Variants in FOXC1 observed in about 807,000 individuals in gnomAD.
The protein encoded by FOXC1 is forkhead box protein C1.
FOXC1 carries 5 observed loss-of-function variants against 8.1 expected under a neutral mutation model. That is an observed-to-expected ratio of 0.62 (90% confidence interval 0.32 to 1.30). FOXC1 has a LOEUF of 1.30. Among genes scored for constraint, FOXC1 ranks in the 50% most tolerant of loss-of-function variants. The pLI, the probability that FOXC1 is intolerant of heterozygous loss-of-function variation, is 0.05. For synonymous variants in FOXC1, 552 were observed against 417.2 expected, an observed-to-expected ratio of 1.32 and a Z score of -3.94; for missense variants, 942 against 858.0, an observed-to-expected ratio of 1.10 and a Z score of -1.22.
In FOXC1 at chr6:1,610,020, C is replaced by G. The variant is rs1019740664; in HGVS notation, c.-426C>G. ...GGGCAGGCGGCCGGCGCGCGGCCCC[C>G]CCCCCCCCCGCCCTGGTTATTTGGC... On this transcript the variant is annotated 5_prime_UTR_variant, in exon 1 of 1. Transcript: ENST00000645831. The G allele has an allele frequency of 2.7e-5, 3 of 109,198 alleles. 1 individual carries two copies. The highest frequency in any genetic ancestry group is 4.1e-5 in the Non-Finnish European group (2 of 48,896). 6.8% of individuals were successfully genotyped at this position (109,198 alleles called of 1,614,324 possible).
rs1256532226 is a variant in FOXC1 at position 1,611,480 on chromosome 6, A to C, written c.1035A>C (p.Ala345=). 7.2e-7 allele frequency: 1 copy of C among 1,379,422 alleles called. No homozygotes were observed. The allele number at this position is 1,379,422 out of a possible 1,614,324, so 85.4% of individuals were successfully genotyped here. A position where few individuals can be genotyped will look rare whatever the true frequency, so the allele number is the denominator to read the frequency against. ...CCGCGTCCTCGCGCGCGGGGATCGC[A>C]CCCCCGCTGGCGCTCGGCGCCTACT... The part of the protein sequence containing the change: ...SAAASSRAGI[A]PPLALGAYSP... Residue 345 remains alanine, a synonymous_variant, in exon 1 of 1, where the codon GCA becomes GCC. Transcript: ENST00000645831. This position sits in a 1 kb window ranked among gnomAD's most constrained non-coding sequence, Gnocchi z 7.1.
In FOXC1 at chr6:1,611,225, C is replaced by G; in HGVS notation, c.780C>G (p.Pro260=). The G allele has an allele frequency of 1.4e-6, 2 of 1,455,432 alleles. No homozygotes were observed. Among genetic ancestry groups the G allele is most frequent in the South Asian group, 1.3e-5 (1 of 78,004 alleles). The allele number at this position is 1,455,432 out of a possible 1,614,324, so 90.2% of individuals were successfully genotyped here. A position where few individuals can be genotyped will look rare whatever the true frequency, so the allele number is the denominator to read the frequency against. The change falls in exon 1 of 1, where the codon CCC becomes CCG. Residue 260 remains proline, a synonymous_variant. Coordinates refer to ENST00000645831, the MANE Select transcript of FOXC1 (RefSeq NM_001453.3). This position sits in a 1 kb window ranked among gnomAD's most constrained non-coding sequence, Gnocchi z 7.1. ...SAAAVPKIES[P]DSSSSSLSSG... is the part of the protein sequence containing the mutation. ...CCGCGGTGCCCAAGATCGAGAGCCC[C>G]GACAGCAGCAGCAGCAGCCTGTCCA...
chr6:1,611,573 C>CGGT lies in FOXC1; in HGVS notation c.1130_1131insTGG (p.Gly380dup), dbSNP rs1251445113. ...CCTCCAGCGCGGGCAGCTCGGGCGG[C>CGGT]GGCGGCGGCGGCGCGGGGGCCGCGG... On this transcript the variant is annotated inframe_insertion, in exon 1 of 1. Transcript: ENST00000645831. The surrounding 1 kb of genome is among the most constrained non-coding windows in gnomAD (Gnocchi z 7.1). The CGGT allele has an allele frequency of 3.5e-6, 4 of 1,143,002 alleles. No individual in the cohort carries two copies. The East Asian group carries it at 2.0e-4, about 56-fold the overall frequency. The allele number at this position is 1,143,002 out of a possible 1,614,324, so 70.8% of individuals were successfully genotyped here.
chr6:1,611,060 G>A lies in FOXC1; in HGVS notation c.615G>A (p.Pro205=), dbSNP rs1028943730. The A allele has an allele frequency of 2.8e-6, 4 of 1,444,368 alleles. No individual in the cohort carries two copies. The highest frequency in any genetic ancestry group is 2.7e-6 in the Non-Finnish European group (3 of 1,099,178). 89.5% of individuals were successfully genotyped at this position (1,444,368 alleles called of 1,614,324 possible). A position where few individuals can be genotyped will look rare whatever the true frequency, so the allele number is the denominator to read the frequency against. ...CCGGCCGCCAGCCCCCGCCCGCGCC[G>A]CCGGAGCAGGCCGACGGCAACGCGC... ...PPPGRQPPPA[P]PEQADGNAPG... is the part of the protein sequence containing the mutation. Residue 205 remains proline (P), a synonymous_variant, in exon 1 of 1, where the codon CCG becomes CCA. Transcript: ENST00000645831. The surrounding 1 kb of genome is among the most constrained non-coding windows in gnomAD (Gnocchi z 7.1).
chr6:1,610,651 C>T lies in FOXC1; in HGVS notation c.206C>T (p.Pro69Leu). 6.2e-7 allele frequency: 1 copy of T among 1,613,166 alleles called. No individual in the cohort carries two copies. The highest frequency in any genetic ancestry group is 8.5e-7 in the Non-Finnish European group (1 of 1,179,948). Residue 69 changes from proline to leucine, a missense_variant, in exon 1 of 1, where the codon CCG (proline) becomes CTG (leucine). Transcript: ENST00000645831. The part of the protein sequence containing the change: ...GMARAYGPYT[P>L]QPQPKDMVKP... ...GCCCGCGCCTACGGGCCCTACACGCCGCAGCCGCAGCCCAAGGACATGGTG... is the reference window on the plus strand; with the variant it reads ...GCCCGCGCCTACGGGCCCTACACGCTGCAGCCGCAGCCCAAGGACATGGTG...
At position 1,612,394 on chromosome 6, in the gene FOXC1, T is replaced by G. The variant is rs943515912; in HGVS notation, c.*287T>G. The G allele has an allele frequency of 3.9e-5, 22 of 562,096 alleles. No individual in the cohort carries two copies. Among genetic ancestry groups the G allele is most frequent in the Non-Finnish European group, 6.8e-5 (21 of 307,494 alleles). The allele number at this position is 562,096 out of a possible 1,614,324, so 34.8% of individuals were successfully genotyped here. A position where few individuals can be genotyped will look rare whatever the true frequency, so the allele number is the denominator to read the frequency against. ...ACAGAGACAGCAAAATCTTGGTTTA[T>G]TAAAGGACAGTGTTACTCCAGATAA... On this transcript the variant is annotated 3_prime_UTR_variant, in exon 1 of 1. Transcript: ENST00000645831.
In FOXC1 at chr6:1,609,981, G is replaced by T. The variant is rs1052508062; in HGVS notation, c.-465G>T. The stretch of plus-strand genomic sequence containing the variant: ...CTGGCGCGCGAGAGACCGAGAAAAG[G>T]TGACGCGGGGCCCGGGCAGGCGGCC... On this transcript the variant is annotated 5_prime_UTR_variant, in exon 1 of 1. Transcript: ENST00000645831. 1.3e-5 allele frequency: 2 copies of T among 151,936 alleles called. No individual in the cohort carries two copies. The highest frequency in any genetic ancestry group is 3.9e-4 in the East Asian group (2 of 5,166). The allele number at this position is 151,936 out of a possible 1,614,324, so 9.4% of individuals were successfully genotyped here.
chr6:1,610,651 C>G lies in FOXC1; in HGVS notation c.206C>G (p.Pro69Arg). ...GCCCGCGCCTACGGGCCCTACACGC[C>G]GCAGCCGCAGCCCAAGGACATGGTG... ...GMARAYGPYT[P>R]QPQPKDMVKP... The change falls in exon 1 of 1, where the codon CCG (proline) becomes CGG (arginine). Residue 69 changes from proline (P) to arginine (R), a missense_variant. By Grantham distance (103) the Pro-to-Arg change is moderately radical. This residue lies in a region of FOXC1 where 190 missense variants were observed against 176.8 expected (regional missense o/e 1.07). Transcript: ENST00000645831. The G allele has an allele frequency of 6.2e-7, 1 of 1,613,166 alleles. No homozygotes were observed. Among genetic ancestry groups the G allele is most frequent in the South Asian group, 1.1e-5 (1 of 91,078 alleles).
At position 1,611,601 on chromosome 6, in the gene FOXC1, G is replaced by T. The variant is rs1762550797; in HGVS notation, c.1156G>T (p.Gly386Cys). The change falls in exon 1 of 1, where the codon GGC becomes TGC. Residue 386 changes from glycine (G) to cysteine (C), a missense_variant. Around this residue, in one of 4 missense-constraint regions of FOXC1, gnomAD observed 726 missense variants for 599.6 expected, o/e 1.21. Coordinates refer to ENST00000645831, the MANE Select transcript of FOXC1 (RefSeq NM_001453.3). This position sits in a 1 kb window ranked among gnomAD's most constrained non-coding sequence, Gnocchi z 7.1. ...CGGCGGCGGCGCGGGGGCCGCGGGG[G>T]GCGCGGGCGGCGCCGGGACCTACCA... Reference protein sequence around the residue: ...GGGGGAGAAGGAGGAGTYHCN... With the variant: ...GGGGGAGAAGCAGGAGTYHCN... The T allele has an allele frequency of 8.5e-7, 1 of 1,179,444 alleles. No individual in the cohort carries two copies. The highest frequency in any genetic ancestry group is 1.0e-6 in the Non-Finnish European group (1 of 958,614). The allele number at this position is 1,179,444 out of a possible 1,614,324, so 73.1% of individuals were successfully genotyped here. A position where few individuals can be genotyped will look rare whatever the true frequency, so the allele number is the denominator to read the frequency against.
rs1192326707 is a variant in FOXC1 at position 1,611,076 on chromosome 6, G to A, written c.631G>A (p.Gly211Ser). ...PPPAPPEQAD[G>S]NAPGPQPPPV... ...GCCCGCGCCGCCGGAGCAGGCCGAC[G>A]GCAACGCGCCCGGTCCGCAGCCGCC... The change falls in exon 1 of 1, where the codon GGC (glycine) becomes AGC (serine). Residue 211 changes from glycine (G) to serine (S), a missense_variant. Physicochemically the swap from Gly to Ser is moderately conservative, Grantham distance 56. Transcript: ENST00000645831. This position sits in a 1 kb window ranked among gnomAD's most constrained non-coding sequence, Gnocchi z 7.1. 7.1e-7 allele frequency: 1 copy of A among 1,413,362 alleles called. No homozygotes were observed. The highest frequency in any genetic ancestry group is 9.2e-7 in the Non-Finnish European group (1 of 1,081,960). The allele number at this position is 1,413,362 out of a possible 1,614,324, so 87.6% of individuals were successfully genotyped here.
In FOXC1 at chr6:1,611,314, C is replaced by T. The variant is rs775681400; in HGVS notation, c.869C>T (p.Ser290Phe). ...CCGCTCAGCCTGGACGGTGCGGATT[C>T]CGCGCCGCCGCCGCCCGCGCCCTCC... ...ARPLSLDGAD[S>F]APPPPAPSAP... is the part of the protein sequence containing the mutation. Residue 290 changes from serine (S) to phenylalanine (F), a missense_variant, in exon 1 of 1, where the codon TCC becomes TTC. Coordinates refer to ENST00000645831, the MANE Select transcript of FOXC1 (RefSeq NM_001453.3). The surrounding 1 kb of genome is among the most constrained non-coding windows in gnomAD (Gnocchi z 7.1). 8.5e-6 allele frequency: 12 copies of T among 1,409,662 alleles called. No individual in the cohort carries two copies. The Admixed American group carries it at 1.6e-4, about 18-fold the overall frequency. 87.3% of individuals were successfully genotyped at this position (1,409,662 alleles called of 1,614,324 possible).
rs867806300 is a variant in FOXC1 at position 1,611,535 on chromosome 6, C to T, written c.1090C>T (p.Pro364Ser). 1.5e-5 allele frequency: 20 copies of T among 1,291,806 alleles called. No homozygotes were observed. In the Middle Eastern group the frequency reaches 1.5e-3, roughly 94 times the overall value. The allele number at this position is 1,291,806 out of a possible 1,614,324, so 80.0% of individuals were successfully genotyped here. ...CGGCCAGAGCTCCCTCTACAGCTCC[C>T]CCTGCAGCCAGACCTCCAGCGCGGG... ...SPGQSSLYSS[P>S]CSQTSSAGSS... The change falls in exon 1 of 1, where the codon CCC (proline) becomes TCC (serine). Residue 364 changes from proline (P) to serine (S), a missense_variant. Coordinates refer to ENST00000645831, the MANE Select transcript of FOXC1 (RefSeq NM_001453.3). This position sits in a 1 kb window ranked among gnomAD's most constrained non-coding sequence, Gnocchi z 7.1.
rs533280855 is a variant in FOXC1 at position 1,612,578 on chromosome 6, C to A, written c.*471C>A. ...TTATGAAAGTCGCTTTCTTTTTATTCATGGACTTGTTTTAAAATGTAAATT... is the reference window on the plus strand; with the variant it reads ...TTATGAAAGTCGCTTTCTTTTTATTAATGGACTTGTTTTAAAATGTAAATT... On this transcript the variant is annotated 3_prime_UTR_variant, in exon 1 of 1. Coordinates refer to ENST00000645831, the MANE Select transcript of FOXC1 (RefSeq NM_001453.3). The A allele has an allele frequency of 1.2e-5, 3 of 247,066 alleles. No homozygotes were observed. Among genetic ancestry groups the A allele is most frequent in the South Asian group, 3.2e-4 (2 of 6,204 alleles). 15.3% of individuals were successfully genotyped at this position (247,066 alleles called of 1,614,324 possible).
At position 1,612,416 on chromosome 6, in the gene FOXC1, A is replaced by ATAACACG. The variant is rs1304110537; in HGVS notation, c.*313_*319dup. ...TTATTAAAGGACAGTGTTACTCCAG[A>ATAACACG]TAACACGTAAGTTTCTTCTTGCTTT... On this transcript the variant is annotated 3_prime_UTR_variant, in exon 1 of 1. Transcript: ENST00000645831. 1 of 503,156 alleles carries ATAACACG rather than the reference A, an allele frequency of 2.0e-6. No homozygotes were observed. Among genetic ancestry groups the ATAACACG allele is most frequent in the Non-Finnish European group, 3.7e-6 (1 of 272,740 alleles). 31.2% of individuals were successfully genotyped at this position (503,156 alleles called of 1,614,324 possible).
At position 1,612,025 on chromosome 6, in the gene FOXC1, G is replaced by A. The variant is rs761231823; in HGVS notation, c.1580G>A (p.Ser527Asn). Reference sequence around the variant, plus strand: ...AACAACTCTCCAGTGAACGGGAATAGTAGCTGTCAAATGGCCTTCCCTTCC... The same window carrying A: ...AACAACTCTCCAGTGAACGGGAATAATAGCTGTCAAATGGCCTTCCCTTCC... The part of the protein sequence containing the change: ...GLNNSPVNGN[S>N]SCQMAFPSSQ... Residue 527 changes from serine to asparagine, a missense_variant, in exon 1 of 1, where the codon AGT becomes AAT. Transcript: ENST00000645831. 2.5e-6 allele frequency: 4 copies of A among 1,613,432 alleles called. No individual in the cohort carries two copies. The highest frequency in any genetic ancestry group is 1.3e-5 in the African/African-American group (1 of 74,928).
In FOXC1 at chr6:1,610,102, G is replaced by A. The variant is rs1356090282; in HGVS notation, c.-344G>A. 3 of 150,504 alleles carry A rather than the reference G, an allele frequency of 2.0e-5. No individual in the cohort carries two copies. The highest frequency in any genetic ancestry group is 4.4e-5 in the Non-Finnish European group (3 of 67,818). 9.3% of individuals were successfully genotyped at this position (150,504 alleles called of 1,614,324 possible). A position where few individuals can be genotyped will look rare whatever the true frequency, so the allele number is the denominator to read the frequency against. On this transcript the variant is annotated 5_prime_UTR_variant, in exon 1 of 1. Coordinates refer to ENST00000645831, the MANE Select transcript of FOXC1 (RefSeq NM_001453.3). ...CTGGAAGGCGCAGGCAGTGTGGCGA[G>A]AAGGGCGCCTGCTTGTTCTTTCTTT...
In FOXC1 at chr6:1,612,682, T is replaced by C. The variant is rs1006985237; in HGVS notation, c.*575T>C. The C allele has an allele frequency of 4.4e-6, 1 of 226,276 alleles. No individual in the cohort carries two copies. Among genetic ancestry groups the C allele is most frequent in the Non-Finnish European group, 9.6e-6 (1 of 104,506 alleles). 14.0% of individuals were successfully genotyped at this position (226,276 alleles called of 1,614,324 possible). On this transcript the variant is annotated 3_prime_UTR_variant, in exon 1 of 1. Transcript: ENST00000645831. ...AGAAAGTGTTCCCAAAACCTGACGTTAAATTGCCTGAAACTTTAAATTGTG... is the reference window on the plus strand; with the variant it reads ...AGAAAGTGTTCCCAAAACCTGACGTCAAATTGCCTGAAACTTTAAATTGTG...
In FOXC1 at chr6:1,611,676, C is replaced by T. The variant is rs2113114171; in HGVS notation, c.1231C>T (p.His411Tyr). 2 of 1,409,740 alleles carry T rather than the reference C, an allele frequency of 1.4e-6. No homozygotes were observed. The highest frequency in any genetic ancestry group is 1.8e-6 in the Non-Finnish European group (2 of 1,088,882). The allele number at this position is 1,409,740 out of a possible 1,614,324, so 87.3% of individuals were successfully genotyped here. Residue 411 changes from histidine (H) to tyrosine (Y), a missense_variant, in exon 1 of 1, where the codon CAC becomes TAC. His to Tyr is a moderately conservative substitution (Grantham distance 83). Coordinates refer to ENST00000645831, the MANE Select transcript of FOXC1 (RefSeq NM_001453.3). This position sits in a 1 kb window ranked among gnomAD's most constrained non-coding sequence, Gnocchi z 7.1. ...GTACGCGGCCGGCGAGCGCGGGGGCCACTTGCAGGGCGCGCCCGGGGGCGC... is the reference window on the plus strand; with the variant it reads ...GTACGCGGCCGGCGAGCGCGGGGGCTACTTGCAGGGCGCGCCCGGGGGCGC... ...SLYAAGERGG[H>Y]LQGAPGGAGG...
Position 1,611,173 on chromosome 6 carries a change from CCGCCGCCCTGGGCAGCGGCAG to C in FOXC1, c.736_756del (p.Leu246_Ala252del), listed in dbSNP as rs1019610153. 4.8e-6 allele frequency: 7 copies of C among 1,458,184 alleles called. No individual in the cohort carries two copies. The highest frequency in any genetic ancestry group is 4.4e-5 in the African/African-American group (3 of 67,472). 90.3% of individuals were successfully genotyped at this position (1,458,184 alleles called of 1,614,324 possible). On this transcript the variant is annotated inframe_deletion, in exon 1 of 1. Transcript: ENST00000645831. The surrounding 1 kb of genome is among the most constrained non-coding windows in gnomAD (Gnocchi z 7.1). ...TCGCCGCCCCAGCCCCTGTCCCCGG[CCGCCGCCCTGGGCAGCGGCAG>C]CGCCGCCGCGGTGCCCAAGATCGAG...
Sources: allele counts gnomAD v4.1 joint callset, GRCh38; gene constraint gnomAD v4.1.1; regional missense constraint gnomAD v4.1.1; non-coding constraint Gnocchi (gnomAD v3.1); transcripts MANE v1.5; gene names NCBI Gene and HGNC (gene_info 2026-07-23, HGNC 2026-07-21).